GMDS: variants seen among roughly 807,000 people sequenced by gnomAD.
GMDS encodes the protein GDP-mannose 4,6 dehydratase.
In GMDS, 20 loss-of-function variants were observed where a neutral mutation model predicts 49.9. That is an observed-to-expected ratio of 0.40 (90% CI 0.28 to 0.58). The LOEUF is 0.58. Ranked by LOEUF, GMDS falls within the 20% of genes least tolerant of loss-of-function variation. The probability of loss-of-function intolerance (pLI) is 0.42; values close to 1 mark genes in which losing one functional copy is unlikely to be tolerated. For missense variants in GMDS, 362 were observed against 481.4 expected (o/e 0.75, Z 2.32); for synonymous variants, 177 against 178.6 (o/e 0.99, Z 0.07).
chr6:1,742,677 C>G (rs1767320235), intron 7 of GMDS, 91 bp from the exon 8 acceptor site: 1 of 684,474 alleles, frequency 1.5e-6, no homozygotes, highest in Non-Finnish European at 2.6e-6. Context: ...TGGACATCGA[C>G]AGCTGGAACA....
intron 4 of GMDS, among the ~76,000 whole-genome samples, chr6:2,002,568 T>C (rs988613825): frequency 1.3e-5 from 2 of 152,218 alleles, no homozygotes; most frequent in Non-Finnish European, 2.9e-5. Context: ...ACTGAAAATA[T>C]GCTTCTATGA....
At chr6:1,955,502 G>C (rs1196288362) in intron 6 of GMDS, among the ~76,000 whole-genome samples, 4 of 152,090 alleles carry the variant, frequency 2.6e-5, no homozygotes, top group African/African-American at 7.2e-5. Context: ...TTAATTTGTA[G>C]TAAATATTAC....
At chr6:2,140,604 A>G (rs543725508) in intron 1 of GMDS, among the ~76,000 whole-genome samples, 23 of 152,238 alleles carry the variant, frequency 1.5e-4, no homozygotes, top group Non-Finnish European at 8.8e-5. Flanking sequence ...CCCATTTCCC[A>G]GAAAGAGAGA....
chr6:2,084,337 A>G (rs1383969126), intron 4 of GMDS, among the ~76,000 whole-genome samples: 10 of 151,944 alleles, frequency 6.6e-5, no homozygotes, highest in Admixed American at 4.6e-4. Flanking sequence ...CCATAAACAT[A>G]CCCTTTTTCA....
intron 7 of GMDS, among the ~76,000 whole-genome samples, chr6:1,804,047 C>T (rs544886659): frequency 6.6e-6 from 1 of 152,310 alleles, no homozygotes; most frequent in South Asian, 2.1e-4. Flanking sequence ...TAAAACTTGG[C>T]TGTTCACCAC....
At chr6:1,706,550 C>T (rs567750372) in intron 9 of GMDS, among the ~76,000 whole-genome samples, 28 of 152,316 alleles carry the variant, frequency 1.8e-4, no homozygotes, top group African/African-American at 6.5e-4. Flanking sequence ...CACACATGTT[C>T]GCTAATGAAC....
chr6:1,847,507 A>G (rs1757463337), intron 7 of GMDS, among the ~76,000 whole-genome samples: 1 of 152,162 alleles, frequency 6.6e-6, no homozygotes, highest in African/African-American at 2.4e-5. Flanking sequence ...CTCAGTGGAC[A>G]TTCATCTCTA....
At chr6:1,912,378 T>A (rs1025439165) in intron 7 of GMDS, among the ~76,000 whole-genome samples, 6 of 152,164 alleles carry the variant, frequency 3.9e-5, no homozygotes, top group Non-Finnish European at 8.8e-5. Context: ...AAAAATTTTT[T>A]AAAAAGTGAT....
chr6:2,099,004 C>G (rs1299943117), intron 4 of GMDS, among the ~76,000 whole-genome samples: 1 of 151,676 alleles, frequency 6.6e-6, no homozygotes. Flanking sequence ...TATTTTTTTT[C>G]TGCTATAGGT....
At chr6:2,208,097 A>G (rs535156678) in intron 1 of GMDS, among the ~76,000 whole-genome samples, 5 of 151,966 alleles carry the variant, frequency 3.3e-5, no homozygotes, top group African/African-American at 7.3e-5. Flanking sequence ...GAAGCTGTGC[A>G]TAAGTTAGAA....
intron 4 of GMDS, among the ~76,000 whole-genome samples, chr6:2,067,007 G>C (rs562871211): frequency 0.051 from 7,663 of 151,088 alleles, 654 homozygotes; most frequent in African/African-American, 0.18. Context: ...TGACCACATA[G>C]TTGGAAGTAA....
chr6:1,768,381 T>C (rs1213196684), intron 7 of GMDS, among the ~76,000 whole-genome samples: 1 of 152,218 alleles, frequency 6.6e-6, no homozygotes. Context: ...TTCTAAAAAT[T>C]TAATTGGAAG....
chr6:2,066,485 G>A (rs1490354149), intron 4 of GMDS, among the ~76,000 whole-genome samples: 8 of 151,474 alleles, frequency 5.3e-5, no homozygotes, highest in African/African-American at 1.9e-4. Flanking sequence ...ATTGGATAAA[G>A]AGTCAAGACC....
intron 1 of GMDS, among the ~76,000 whole-genome samples, chr6:2,222,412 C>G (rs992748458): frequency 6.6e-6 from 1 of 152,184 alleles, no homozygotes; most frequent in Admixed American, 6.5e-5. Flanking sequence ...TGCTTATCTC[C>G]GACCCTTTGG....
intron 4 of GMDS, among the ~76,000 whole-genome samples, chr6:2,113,798 C>G (rs938896975): frequency 1.3e-5 from 2 of 152,134 alleles, no homozygotes; most frequent in African/African-American, 4.8e-5. Context: ...TGCATGACAC[C>G]TTGCATGAGG....
At chr6:1,796,213 T>C (rs1422332497) in intron 7 of GMDS, among the ~76,000 whole-genome samples, 1 of 152,122 alleles carries the variant, frequency 6.6e-6, no homozygotes, top group Non-Finnish European at 1.5e-5. Flanking sequence ...AGTTCCTCCT[T>C]GTAGGCTTAC....
rs2103679 is a variant in GMDS at position 1,766,900 on chromosome 6, T to C, written c.772-24314A>G. ...AGGTCTCCCAGCTCAGCAATCTGGCTTAAAGGAGCACCGGGTAAGGGTTCT... is the reference window on the plus strand; with the variant it reads ...AGGTCTCCCAGCTCAGCAATCTGGCCTAAAGGAGCACCGGGTAAGGGTTCT... On this transcript the variant is annotated intron_variant, in intron 7 of 10. Coordinates refer to ENST00000380815, the MANE Select transcript of GMDS (RefSeq NM_001500.4). This position sits in a 1 kb window ranked among gnomAD's most constrained non-coding sequence, Gnocchi z 4.5. Among the ~76,000 whole-genome samples, 102,752 of 152,178 alleles carry C rather than the reference T, an allele frequency of 0.68. 34,899 individuals are homozygous for C. Among genetic ancestry groups the C allele is most frequent in the East Asian group, 0.82 (4,251 of 5,180 alleles).
chr6:1,641,358 G>A (rs964494731), intron 9 of GMDS, among the ~76,000 whole-genome samples: 11 of 152,256 alleles, frequency 7.2e-5, no homozygotes, highest in African/African-American at 2.4e-4. Context: ...CTGCCAGCTG[G>A]TGGCACTCAG....
chr6:2,005,363 C>A (rs1048215371), intron 4 of GMDS, among the ~76,000 whole-genome samples: 1 of 152,084 alleles, frequency 6.6e-6, no homozygotes, highest in Non-Finnish European at 1.5e-5. Flanking sequence ...GGCCATTTAC[C>A]CCTCAGGAAA....
Sources: allele counts gnomAD v4.1 joint callset (sites outside exome capture counted in the v4.1 genomes callset), GRCh38; gene constraint gnomAD v4.1.1; non-coding constraint Gnocchi (gnomAD v3.1); transcripts MANE v1.5; gene names NCBI Gene and HGNC (gene_info 2026-07-23, HGNC 2026-07-21).